ITGA3: variants seen among roughly 807,000 people sequenced by gnomAD.
ITGA3 encodes integrin alpha-3.
In ITGA3, 70 loss-of-function variants were observed where a neutral mutation model predicts 131.1. That is an observed-to-expected ratio of 0.53 (90% CI 0.44 to 0.65). The LOEUF is 0.65. Among genes scored for constraint, ITGA3 ranks in the 30% least tolerant of loss-of-function variants. ITGA3 has a pLI of 0.00. For missense variants in ITGA3, 1,098 were observed against 1,388.6 expected, an observed-to-expected ratio of 0.79 and a Z score of 3.33; for synonymous variants, 537 against 571.6, an observed-to-expected ratio of 0.94 and a Z score of 0.86.
chr17:50,087,905 C>T (rs1049044704), intron 24 of ITGA3, 36 bp downstream of exon 24: 1 of 1,521,070 alleles, frequency 6.6e-7, no homozygotes, highest in African/African-American at 1.4e-5. Context: ...CCGGGACCTC[C>T]ACCAGCACAC....
chr17:50,068,347 G>A, intron 4 of ITGA3, 42 bp downstream of exon 4: 1 of 1,601,852 alleles, frequency 6.2e-7, no homozygotes, highest in African/African-American at 1.3e-5. Context: ...GAAGAGCAGA[G>A]ACCACCCACC....
At chr17:50,077,702 C>T (rs75284766) in intron 16 of ITGA3, among the ~76,000 whole-genome samples, 1 of 152,300 alleles carries the variant, frequency 6.6e-6, no homozygotes, top group African/African-American at 2.4e-5. Context: ...CAACTGTGTG[C>T]CAGCCCCTGA....
At chr17:50,076,887 C>G (rs934611954) in intron 14 of ITGA3, 87 bp from the exon 15 acceptor site, 120 of 1,475,256 alleles carry the variant, frequency 8.1e-5, no homozygotes, top group Non-Finnish European at 1.0e-4. Context: ...CTTTTCTCAC[C>G]TAGGAGACCC....
At chr17:50,071,070 C>A in intron 5 of ITGA3, 140 bp downstream of exon 5, 1 of 733,990 alleles carries the variant, frequency 1.4e-6, no homozygotes. Context: ...CACCTGTATG[C>A]CAGGCCCTGT....
At chr17:50,076,261 G>T in intron 12 of ITGA3, 65 bp from the exon 13 acceptor site, 2 of 1,555,112 alleles carry the variant, frequency 1.3e-6, no homozygotes, top group South Asian at 1.2e-5. Flanking sequence ...GTTCAGGGTG[G>T]TGTGAGGATT....
At chr17:50,076,842 G>A in intron 14 of ITGA3, 132 bp from the exon 15 acceptor site, 1 of 1,182,840 alleles carries the variant, frequency 8.5e-7, no homozygotes, top group East Asian at 2.5e-5. Flanking sequence ...CTCCAGGTGC[G>A]ACTAGAGGAC....
Position 50,076,973 on chromosome 17 carries a change from G to A in ITGA3, c.1923-1G>A. ...GCTGAGTCCTGGGCTCCTGCTCTCA[G>A]GCTCCAGTACAGCAGAGACGTCCGG... On this transcript the variant is annotated splice_acceptor_variant, in intron 14 of 25. Transcript: ENST00000320031. LOFTEE classifies it high-confidence loss of function. 6.2e-7 allele frequency: 1 copy of A among 1,603,426 alleles called. No homozygotes were observed. The highest frequency in any genetic ancestry group is 8.5e-7 in the Non-Finnish European group (1 of 1,172,566).
In ITGA3 at chr17:50,080,321, C is replaced by T. The variant is rs370518507; in HGVS notation, c.2766C>T (p.Pro922=). 139 of 1,613,470 alleles carry T rather than the reference C, an allele frequency of 8.6e-5. No homozygotes were observed. Among genetic ancestry groups the T allele is most frequent in the Admixed American group, 1.8e-4 (11 of 59,970 alleles). The change falls in exon 22 of 26, where the codon CCC becomes CCT. Residue 922 remains proline (P), a synonymous_variant. Coordinates refer to ENST00000320031, the MANE Select transcript of ITGA3 (RefSeq NM_002204.4). ...TAGAGTGCCCCATCCCTGATGCCCC[C>T]GTTGTCACCAACGTGACTGTGAAGG... is the stretch of plus-strand genomic sequence containing the variant. ...VWLECPIPDA[P]VVTNVTVKAR... is the part of the protein sequence containing the mutation.
At chr17:50,077,986 A>G (rs1425067064) in intron 16 of ITGA3, 60 bp from the exon 17 acceptor site, 3 of 1,409,798 alleles carry the variant, frequency 2.1e-6, no homozygotes, top group East Asian at 4.6e-5. Context: ...CTCCTTCCCC[A>G]TGACATCACC....
rs1567707687 is a variant in ITGA3, at chr17:50,089,216, C to T, written c.*138C>T. On this transcript the variant is annotated 3_prime_UTR_variant, in exon 26 of 26. Transcript: ENST00000320031. ...CCACCTCCAGGGAGCACCCTGCCCA[C>T]CAAGAAGCACTGGGTGACCAGCTGG... is the stretch of plus-strand genomic sequence containing the variant. 1.9e-6 allele frequency: 3 copies of T among 1,613,728 alleles called. No homozygotes were observed. The highest frequency in any genetic ancestry group is 2.5e-6 in the Non-Finnish European group (3 of 1,179,950).
chr17:50,074,356 G>C, intron 9 of ITGA3, 76 bp downstream of exon 9: 1 of 1,602,060 alleles, frequency 6.2e-7, no homozygotes. Flanking sequence ...CTGTGTCCAT[G>C]TTTGCGCTAG....
At chr17:50,085,365 T>C (rs1293214608) in intron 23 of ITGA3, among the ~76,000 whole-genome samples, 1 of 151,684 alleles carries the variant, frequency 6.6e-6, no homozygotes, top group African/African-American at 2.4e-5. Flanking sequence ...TTTCTAGATA[T>C]TAAAATTACT....
At chr17:50,068,834 A>T (rs899312858) in intron 4 of ITGA3, among the ~76,000 whole-genome samples, 3 of 135,306 alleles carry the variant, frequency 2.2e-5, no homozygotes. Context: ...TTATTTATTT[A>T]TTTATTTATT....
At chr17:50,058,889 C>T (rs956986560) in intron 1 of ITGA3, among the ~76,000 whole-genome samples, 15 of 152,316 alleles carry the variant, frequency 9.8e-5, no homozygotes, top group Admixed American at 3.3e-4. Flanking sequence ...CTTGGACAGG[C>T]TCTTAAACTG....
At chr17:50,062,544 A>G (rs955632882) in intron 1 of ITGA3, among the ~76,000 whole-genome samples, 1 of 152,186 alleles carries the variant, frequency 6.6e-6, no homozygotes, top group Admixed American at 6.5e-5. Flanking sequence ...TCCCAGGAAC[A>G]CTTCCCCAGG....
chr17:50,071,722 G>A, intron 6 of ITGA3: 2 of 623,878 alleles, frequency 3.2e-6, no homozygotes, highest in Non-Finnish European at 5.6e-6. Context: ...TTTCTGCTTG[G>A]GATTTGTATG....
intron 22 of ITGA3, 117 bp from the exon 23 acceptor site, chr17:50,081,193 G>A (rs1281450452): frequency 3.2e-6 from 2 of 631,482 alleles, no homozygotes; most frequent in Non-Finnish European, 5.8e-6. Context: ...GATCCTTTGG[G>A]GTGCTGTTTA....
rs1909609760 is a variant in ITGA3 at position 50,089,333 on chromosome 17, CT to C, written c.*256del. On this transcript the variant is annotated 3_prime_UTR_variant, in exon 26 of 26. Transcript: ENST00000320031. ...TCTTCCTATTTATCATAAGTTATGC[CT>C]CTGACAGTCCACAGGGGCCACCACC... The C allele has an allele frequency of 4.9e-6, 7 of 1,427,710 alleles. No individual in the cohort carries two copies. Among genetic ancestry groups the C allele is most frequent in the Non-Finnish European group, 6.8e-6 (7 of 1,034,068 alleles). The allele number at this position is 1,427,710 out of a possible 1,614,324, so 88.4% of individuals were successfully genotyped here.
chr17:50,061,932 T>C (rs1908100357), intron 1 of ITGA3, among the ~76,000 whole-genome samples: 1 of 147,788 alleles, frequency 6.8e-6, no homozygotes, highest in East Asian at 2.0e-4. Flanking sequence ...CCCAGCTACT[T>C]GGGAGGCTGA....
Sources: allele counts gnomAD v4.1 joint callset (sites outside exome capture counted in the v4.1 genomes callset), GRCh38; gene constraint gnomAD v4.1.1; transcripts MANE v1.5; gene names NCBI Gene and HGNC (gene_info 2026-07-23, HGNC 2026-07-21).